The following PTPRN2 variants were observed in gnomAD, a reference collection of about 807,000 sequenced individuals.
The protein encoded by PTPRN2 is protein tyrosine phosphatase receptor type N2, also known as receptor-type tyrosine-protein phosphatase N2.
Under a neutral mutation model 118.8 loss-of-function variants are expected in PTPRN2, and 74 were observed. The observed-to-expected ratio is 0.62, with a 90% confidence interval of 0.52 to 0.76. PTPRN2 has a LOEUF of 0.76. Ranked by LOEUF, PTPRN2 falls within the 30% of genes least tolerant of loss-of-function variation. PTPRN2 has a pLI of 0.00. For synonymous variants in PTPRN2, 641 were observed against 608.0 expected, an observed-to-expected ratio of 1.05 and a Z score of -0.80; for missense variants, 1,481 against 1,394.4, an observed-to-expected ratio of 1.06 and a Z score of -0.99.
intron 3 of PTPRN2, among the ~76,000 whole-genome samples, chr7:158,235,440 G>A (rs1457315952): frequency 2.0e-5 from 3 of 152,198 alleles, no homozygotes; most frequent in Non-Finnish European, 1.5e-5. Flanking sequence ...CCTGTCATAG[G>A]CACCAACATG....
At chr7:158,232,283 G>C (rs1039521099) in intron 3 of PTPRN2, among the ~76,000 whole-genome samples, 1 of 152,028 alleles carries the variant, frequency 6.6e-6, no homozygotes, top group Non-Finnish European at 1.5e-5. Context: ...TAACAACTCA[G>C]ATCACAGGAA....
At chr7:158,143,385 T>C (rs1819570806) in intron 6 of PTPRN2, among the ~76,000 whole-genome samples, 1 of 152,114 alleles carries the variant, frequency 6.6e-6, no homozygotes, top group Non-Finnish European at 1.5e-5. Flanking sequence ...TGAAGGGCCC[T>C]CGGCATTGGG....
chr7:158,248,081 T>C (rs1011736169), intron 3 of PTPRN2, among the ~76,000 whole-genome samples: 2 of 152,014 alleles, frequency 1.3e-5, no homozygotes, highest in African/African-American at 4.8e-5. Context: ...TCCTTGAAAA[T>C]GGGAGAGAAT....
rs553684562 is a variant in PTPRN2, at chr7:157,702,039, GCCCGGT to G, written c.1789-19108_1789-19103del. On this transcript the variant is annotated intron_variant, in intron 12 of 22. Transcript: ENST00000389418. The stretch of plus-strand genomic sequence containing the variant: ...ACGCGGGCTGTGCATTTATAAGAAA[GCCCGGT>G]CGGTGCTGGTGTAACTGACGTGGGC... 2.4e-3 allele frequency among the ~76,000 whole-genome samples: 366 copies of G among 151,018 alleles called. 5 individuals carry two copies. Among genetic ancestry groups the G allele is most frequent in the African/African-American group, 8.4e-3 (345 of 41,084 alleles).
At chr7:157,879,550 A>T (rs560445197) in intron 12 of PTPRN2, among the ~76,000 whole-genome samples, 13 of 152,318 alleles carry the variant, frequency 8.5e-5, no homozygotes, top group African/African-American at 3.1e-4. Flanking sequence ...GACAATTTTA[A>T]CCCTGCAGTA....
At chr7:158,222,190 A>T (rs999540869) in intron 3 of PTPRN2, among the ~76,000 whole-genome samples, 1 of 152,232 alleles carries the variant, frequency 6.6e-6, no homozygotes, top group Non-Finnish European at 1.5e-5. Flanking sequence ...AACTTAACAC[A>T]GAACTACCAT....
chr7:158,232,112 A>G (rs1268838880), intron 3 of PTPRN2, among the ~76,000 whole-genome samples: 2 of 152,136 alleles, frequency 1.3e-5, no homozygotes, highest in Non-Finnish European at 1.5e-5. Flanking sequence ...AAATAATACA[A>G]ATCAGAGCAG....
chr7:158,189,961 C>T lies in PTPRN2; in HGVS notation c.549+2366G>A, dbSNP rs539305623. On this transcript the variant is annotated intron_variant, in intron 5 of 22. Coordinates refer to ENST00000389418, the MANE Select transcript of PTPRN2 (RefSeq NM_002847.5). The stretch of plus-strand genomic sequence containing the variant: ...TGTGCTGAGACCTGCTCTGTGGTGC[C>T]GAGGCACAGGTGTGCGGAGGGAATA... Among the ~76,000 whole-genome samples the T allele has an allele frequency of 2.7e-4, 41 of 152,308 alleles. 2 individuals carry two copies. In the South Asian group the frequency reaches 4.1e-3, roughly 15 times the overall value.
chr7:157,678,649 C>A (rs1012955176), intron 13 of PTPRN2, among the ~76,000 whole-genome samples: 1 of 152,152 alleles, frequency 6.6e-6, no homozygotes, highest in African/African-American at 2.4e-5. Flanking sequence ...GAGACGTGCA[C>A]TTAGCCGCTG....
chr7:157,996,081 A>G (rs140021810), intron 11 of PTPRN2, among the ~76,000 whole-genome samples: 445 of 152,346 alleles, frequency 2.9e-3, no homozygotes, highest in African/African-American at 0.01. Context: ...TTTTGCACAC[A>G]ATGGAATACT....
chr7:158,262,571 TCACACACAG>T lies in PTPRN2; in HGVS notation c.277+54239_277+54247del, dbSNP rs549961582. On this transcript the variant is annotated intron_variant, in intron 3 of 22. Transcript: ENST00000389418. ...CACACTGCACACACTACACACACAT[TCACACACAG>T]CACACACATTCACACACATTCACAC... Among the ~76,000 whole-genome samples the T allele has an allele frequency of 3.1e-3, 315 of 101,718 alleles. 6 individuals carry two copies. The highest frequency in any genetic ancestry group is 0.026 in the Admixed American group (261 of 9,908). 66.7% of individuals were successfully genotyped at this position (101,718 alleles called of 152,430 possible). A position where few individuals can be genotyped will look rare whatever the true frequency, so the allele number is the denominator to read the frequency against.
intron 1 of PTPRN2, among the ~76,000 whole-genome samples, chr7:158,515,708 T>A (rs550422426): frequency 6.6e-6 from 1 of 152,252 alleles, no homozygotes; most frequent in South Asian, 2.1e-4. Flanking sequence ...AGTTCCTTCC[T>A]GTTTCCCTAC....
At chr7:158,406,675 T>C (rs929976973) in intron 2 of PTPRN2, among the ~76,000 whole-genome samples, 13 of 152,244 alleles carry the variant, frequency 8.5e-5, no homozygotes, top group Admixed American at 1.3e-4. Flanking sequence ...CCCTGAGACC[T>C]GCCCTGTTCA....
chr7:158,316,723 A>T, intron 3 of PTPRN2, 96 bp downstream of exon 3: 2 of 878,468 alleles, frequency 2.3e-6, no homozygotes, highest in African/African-American at 3.4e-5. Context: ...TCGTGGATTC[A>T]GTCCGTCCCA....
intron 3 of PTPRN2, among the ~76,000 whole-genome samples, chr7:158,273,230 T>C (rs536208247): frequency 4.2e-4 from 64 of 152,300 alleles, no homozygotes; most frequent in African/African-American, 1.4e-3. Flanking sequence ...TCCAGGGCCC[T>C]GCGTGTGCTG....
intron 3 of PTPRN2, among the ~76,000 whole-genome samples, chr7:158,261,232 G>A (rs1179297629): frequency 6.6e-6 from 1 of 152,172 alleles, no homozygotes; most frequent in Admixed American, 6.5e-5. Flanking sequence ...GGGTCGGCCT[G>A]CATGCAGACA....
chr7:158,336,488 G>A (rs375985698), intron 2 of PTPRN2, among the ~76,000 whole-genome samples: 27 of 115,944 alleles, frequency 2.3e-4, no homozygotes, highest in Middle Eastern at 6.8e-3. Flanking sequence ...AAGAGCTGAC[G>A]CCCGCAGATG....
chr7:158,263,290 ACATGTGCACAC>A (rs779150431), intron 3 of PTPRN2, among the ~76,000 whole-genome samples: 3 of 152,226 alleles, frequency 2.0e-5, no homozygotes, highest in African/African-American at 7.2e-5. Flanking sequence ...ACTCACAGTC[ACATGTGCACAC>A]CGTGTGTGGG....
At chr7:157,578,559 G>C (rs1800179466) in intron 17 of PTPRN2, among the ~76,000 whole-genome samples, 1 of 152,222 alleles carries the variant, frequency 6.6e-6, no homozygotes, top group South Asian at 2.1e-4. Context: ...CTGCTGTCCT[G>C]TCAGAAGCAG....
Sources: allele counts gnomAD v4.1 joint callset (sites outside exome capture counted in the v4.1 genomes callset), GRCh38; gene constraint gnomAD v4.1.1; transcripts MANE v1.5; gene names NCBI Gene and HGNC (gene_info 2026-07-23, HGNC 2026-07-21).